The following AGK variants were observed in gnomAD, a reference collection of about 807,000 sequenced individuals.
AGK encodes acylglycerol kinase, also known as acylglycerol kinase, mitochondrial.
A neutral mutation model predicts 66.4 loss-of-function variants in AGK; 52 were observed. The observed-to-expected ratio is 0.78, with a 90% CI of 0.63 to 0.99. The LOEUF is 0.99. Ranked by LOEUF, AGK falls within the 50% of genes least tolerant of loss-of-function variation. The pLI, the probability that AGK is intolerant of heterozygous loss-of-function variation, is 0.00. For missense variants in AGK, 451 were observed against 506.6 expected (o/e 0.89, Z 1.05); for synonymous variants, 182 against 181.1 (o/e 1.00, Z -0.04).
chr7:141,643,064 AAT>A (rs1797324559), intron 13 of AGK, among the ~76,000 whole-genome samples: 1 of 152,224 alleles, frequency 6.6e-6, no homozygotes, highest in African/African-American at 2.4e-5. Context: ...ATGGAGTTGG[AAT>A]GTCGTGAAAA....
intron 2 of AGK, among the ~76,000 whole-genome samples, chr7:141,577,347 T>G (rs1795766283): frequency 6.6e-6 from 1 of 152,182 alleles, no homozygotes; most frequent in African/African-American, 2.4e-5. Flanking sequence ...AGACATTGCT[T>G]TCTACAGATA....
In AGK at chr7:141,651,921, T is replaced by C. The variant is rs186775184; in HGVS notation, c.1131+312T>C. Among the ~76,000 whole-genome samples, 7 of 152,348 alleles carry C rather than the reference T, an allele frequency of 4.6e-5. No individual in the cohort carries two copies. The East Asian group carries it at 1.4e-3, about 29-fold the overall frequency. ...GTAAATAATGCAGAAGGTTACTACA[T>C]TAAGACACATAGAGAATTGTCTAGC... is the stretch of plus-strand genomic sequence containing the variant. On this transcript the variant is annotated intron_variant, in intron 15 of 15. Transcript: ENST00000649286.
intron 2 of AGK, among the ~76,000 whole-genome samples, chr7:141,580,810 C>T (rs1795866854): frequency 6.6e-6 from 1 of 151,982 alleles, no homozygotes. Context: ...CCGCACAGCC[C>T]TGCACTTCAG....
intron 2 of AGK, among the ~76,000 whole-genome samples, chr7:141,560,866 G>A (rs899685479): frequency 1.4e-5 from 2 of 143,958 alleles, no homozygotes; most frequent in African/African-American, 2.6e-5. Flanking sequence ...GCACGATCTC[G>A]GCTCACTGCA....
intron 3 of AGK, 165 bp downstream of exon 3, chr7:141,593,350 C>T: frequency 1.4e-6 from 1 of 721,294 alleles, no homozygotes; most frequent in Non-Finnish European, 2.5e-6. Flanking sequence ...GAGTAGAACT[C>T]CAGGAAGTTA....
intron 5 of AGK, among the ~76,000 whole-genome samples, chr7:141,605,987 A>G (rs1420067354): frequency 3.3e-5 from 5 of 152,192 alleles, no homozygotes; most frequent in Admixed American, 2.0e-4. Context: ...CTGAATATCA[A>G]ATTACCTGGA....
chr7:141,641,102 C>A, intron 11 of AGK, 146 bp from the exon 12 acceptor site: 1 of 666,582 alleles, frequency 1.5e-6, no homozygotes, highest in Non-Finnish European at 2.4e-6. Context: ...TTCCATGCTC[C>A]AAACTAGCAT....
intron 2 of AGK, among the ~76,000 whole-genome samples, chr7:141,568,648 T>C (rs966472022): frequency 2.0e-5 from 3 of 151,794 alleles, no homozygotes; most frequent in Admixed American, 1.3e-4. Flanking sequence ...CTTGGCTCAC[T>C]GCAACCTCCA....
chr7:141,574,980 G>A (rs977713608), intron 2 of AGK, among the ~76,000 whole-genome samples: 13 of 152,342 alleles, frequency 8.5e-5, no homozygotes, highest in Admixed American at 2.6e-4. Flanking sequence ...GAGGGCAGAC[G>A]TGGCGTTTTG....
intron 11 of AGK, among the ~76,000 whole-genome samples, chr7:141,637,637 A>G (rs1476210121): frequency 1.3e-5 from 2 of 152,172 alleles, no homozygotes; most frequent in Non-Finnish European, 1.5e-5. Context: ...ACTACAGACT[A>G]TATTCAGCTT....
rs369309762 is a variant in AGK at position 141,597,523 on chromosome 7, A to G, written c.221+882A>G. Among the ~76,000 whole-genome samples the G allele has an allele frequency of 2.2e-4, 34 of 152,278 alleles. 1 individual carries two copies. Among genetic ancestry groups the G allele is most frequent in the East Asian group, 5.8e-4 (3 of 5,178 alleles). ...TTAAAGGGTTGAGTGTTAAAAAGTGATATCTCTTATGTCCCTAATGTCGAG... is the reference window on the plus strand; with the variant it reads ...TTAAAGGGTTGAGTGTTAAAAAGTGGTATCTCTTATGTCCCTAATGTCGAG... On this transcript the variant is annotated intron_variant, in intron 4 of 15. Transcript: ENST00000649286.
chr7:141,651,663 T>C, intron 15 of AGK, 54 bp downstream of exon 15: 1 of 1,507,500 alleles, frequency 6.6e-7, no homozygotes, highest in Admixed American at 1.7e-5. Context: ...GTCATCGGCC[T>C]GCCCCTCTGT....
chr7:141,571,649 C>T (rs755134560), intron 2 of AGK, among the ~76,000 whole-genome samples: 1 of 152,162 alleles, frequency 6.6e-6, no homozygotes, highest in Non-Finnish European at 1.5e-5. Context: ...TAAGAAGGAT[C>T]ACTTCTTAGA....
At chr7:141,637,094 T>C (rs1347074685) in intron 11 of AGK, 77 bp downstream of exon 11, 1 of 1,199,604 alleles carries the variant, frequency 8.3e-7, no homozygotes, top group South Asian at 1.4e-5. Flanking sequence ...TGGTATTTTT[T>C]TTTAATTCCT....
At chr7:141,601,906 T>C (rs542963408) in intron 5 of AGK, among the ~76,000 whole-genome samples, 3 of 152,242 alleles carry the variant, frequency 2.0e-5, no homozygotes, top group Admixed American at 6.5e-5. Flanking sequence ...TTCCAGGAAA[T>C]CATAGAAGTT....
At chr7:141,582,658 G>A (rs1795905316) in intron 2 of AGK, among the ~76,000 whole-genome samples, 1 of 151,956 alleles carries the variant, frequency 6.6e-6, no homozygotes, top group South Asian at 2.1e-4. Context: ...TAACCAATTT[G>A]GGAGAAGTTG....
intron 15 of AGK, among the ~76,000 whole-genome samples, chr7:141,652,217 A>G (rs867835852): frequency 3.9e-5 from 6 of 152,366 alleles, no homozygotes; most frequent in Middle Eastern, 3.4e-3. Context: ...AGGTATCCCC[A>G]TAGTGACTGG....
chr7:141,557,491 C>T (rs1795236514), intron 2 of AGK, among the ~76,000 whole-genome samples: 1 of 152,168 alleles, frequency 6.6e-6, no homozygotes, highest in Non-Finnish European at 1.5e-5. Context: ...GGGAAAATTC[C>T]CACCCACTGA....
At chr7:141,565,598 A>G (rs1269021924) in intron 2 of AGK, among the ~76,000 whole-genome samples, 1 of 151,898 alleles carries the variant, frequency 6.6e-6, no homozygotes, top group African/African-American at 2.4e-5. Context: ...CTGAGATCGT[A>G]CCACTGCACT....
Sources: gnomAD v4.1 joint callset for allele counts (sites outside exome capture counted in the v4.1 genomes callset) on GRCh38, gnomAD v4.1.1 for gene constraint, MANE v1.5 for transcripts, NCBI Gene and HGNC (gene_info 2026-07-23, HGNC 2026-07-21) for gene names.